GNG2: variants seen among roughly 807,000 people sequenced by gnomAD.
GNG2 encodes guanine nucleotide-binding protein G(I)/G(S)/G(O) subunit gamma-2.
GNG2 carries 5 observed loss-of-function variants against 5.5 expected under a neutral mutation model. That is an observed-to-expected ratio of 0.91 (90% confidence interval 0.48 to 1.92). The LOEUF (loss-of-function observed/expected upper bound fraction) is 1.92, where lower values mean the gene tolerates loss of function less well. Among genes scored for constraint, GNG2 ranks in the 30% most tolerant of loss-of-function variants. The probability of loss-of-function intolerance (pLI) is 0.01; values close to 1 mark genes in which losing one functional copy is unlikely to be tolerated. For synonymous variants in GNG2, 28 were observed against 32.0 expected, an observed-to-expected ratio of 0.88 and a Z score of 0.42; for missense variants, 55 against 88.4, an observed-to-expected ratio of 0.62 and a Z score of 1.52.
intron 2 of GNG2, among the ~76,000 whole-genome samples, chr14:51,849,600 A>G (rs1295382011): frequency 2.0e-5 from 3 of 152,068 alleles, no homozygotes; most frequent in Non-Finnish European, 4.4e-5. Flanking sequence ...GTTCCCCTTC[A>G]CTGCTTTATT....
In GNG2 at chr14:51,932,789, T is replaced by C. The variant is rs571971389; in HGVS notation, c.-29-17861T>C. ...AATAAATCTCTAAAGTATCGGGTCC[T>C]AATCCTTAGAATCCATAAATGTTAA... On this transcript the variant is annotated intron_variant, in intron 2 of 3. Transcript: ENST00000556766. 5.9e-5 allele frequency among the ~76,000 whole-genome samples: 9 copies of C among 152,158 alleles called. No homozygotes were observed. The East Asian group carries it at 1.7e-3, about 29-fold the overall frequency.
chr14:51,890,305 C>G (rs775672991), intron 2 of GNG2, among the ~76,000 whole-genome samples: 1 of 152,170 alleles, frequency 6.6e-6, no homozygotes, highest in Non-Finnish European at 1.5e-5. Flanking sequence ...CCTGAGTACA[C>G]GAGATTTGTG....
At chr14:51,855,264 C>T (rs1160816347) in intron 2 of GNG2, among the ~76,000 whole-genome samples, 1 of 152,196 alleles carries the variant, frequency 6.6e-6, no homozygotes, top group Non-Finnish European at 1.5e-5. Flanking sequence ...CTCTTCATGT[C>T]CCTTGTCCCA....
intron 2 of GNG2, among the ~76,000 whole-genome samples, chr14:51,852,523 T>A (rs1409142341): frequency 6.6e-6 from 1 of 152,222 alleles, no homozygotes; most frequent in Non-Finnish European, 1.5e-5. Flanking sequence ...ATAACCAGGA[T>A]GAAGAAGTGG....
chr14:51,932,734 T>C (rs1248954342), intron 2 of GNG2, among the ~76,000 whole-genome samples: 1 of 152,236 alleles, frequency 6.6e-6, no homozygotes, highest in Non-Finnish European at 1.5e-5. Context: ...TCCATTGTGT[T>C]AAATACTGCT....
At chr14:51,840,615 G>T (rs1322150958) in intron 2 of GNG2, among the ~76,000 whole-genome samples, 1 of 152,168 alleles carries the variant, frequency 6.6e-6, no homozygotes, top group Non-Finnish European at 1.5e-5. Flanking sequence ...CATTCATTCT[G>T]TTGCCTCCAA....
intron 2 of GNG2, among the ~76,000 whole-genome samples, chr14:51,843,937 C>T (rs1199410358): frequency 6.6e-6 from 1 of 152,170 alleles, no homozygotes; most frequent in Non-Finnish European, 1.5e-5. Flanking sequence ...GGCCCCCTTT[C>T]TCCTCCCCAC....
intron 2 of GNG2, among the ~76,000 whole-genome samples, chr14:51,937,441 C>A (rs1205085661): frequency 6.6e-6 from 1 of 152,068 alleles, no homozygotes; most frequent in Non-Finnish European, 1.5e-5. Context: ...TCCTTCCCTG[C>A]ATGATATCAG....
Position 51,922,113 on chromosome 14 carries a change from C to T in GNG2, c.-29-28537C>T, listed in dbSNP as rs77366375. On this transcript the variant is annotated intron_variant, in intron 2 of 3. Coordinates refer to ENST00000556766, the MANE Select transcript of GNG2 (RefSeq NM_053064.5). ...TTCTTCCACTTTCTGTGTGTATATG[C>T]GTGTTTGTGTAATCTTCTGACAGCT... Among the ~76,000 whole-genome samples, 1,163 of 152,206 alleles carry T rather than the reference C, an allele frequency of 7.6e-3. 34 individuals carry two copies. The highest frequency in any genetic ancestry group is 0.064 in the South Asian group (306 of 4,818).
chr14:51,934,349 G>A (rs1049029879), intron 2 of GNG2, among the ~76,000 whole-genome samples: 8 of 152,052 alleles, frequency 5.3e-5, no homozygotes, highest in Admixed American at 5.2e-4. Context: ...TGGGGTCTTC[G>A]AGCTTTTCTG....
At chr14:51,841,779 T>A in intron 2 of GNG2, among the ~76,000 whole-genome samples, 1 of 152,174 alleles carries the variant, frequency 6.6e-6, no homozygotes. Flanking sequence ...GGAAATGCTT[T>A]TCTTTGGGGC....
chr14:51,959,404 G>A lies in GNG2; in HGVS notation c.88-7155G>A, dbSNP rs558702959. ...CAGCAAGTTCGTTTTTCATTTGCTT[G>A]GTCCAAAAACTTAGAGTTATCCTTA... On this transcript the variant is annotated intron_variant, in intron 3 of 3. Coordinates refer to ENST00000556766, the MANE Select transcript of GNG2 (RefSeq NM_053064.5). 2.6e-5 allele frequency among the ~76,000 whole-genome samples: 4 copies of A among 152,204 alleles called. No individual in the cohort carries two copies. The East Asian group carries it at 7.7e-4, about 29-fold the overall frequency.
At chr14:51,962,749 G>A (rs1889688662) in intron 3 of GNG2, among the ~76,000 whole-genome samples, 1 of 152,194 alleles carries the variant, frequency 6.6e-6, no homozygotes, top group Admixed American at 6.5e-5. Flanking sequence ...CATGGAAGAA[G>A]TAGGCATACG....
In GNG2 at chr14:51,964,592, C is replaced by A. The variant is rs368273985; in HGVS notation, c.88-1967C>A. 3.9e-5 allele frequency among the ~76,000 whole-genome samples: 6 copies of A among 152,182 alleles called. No individual in the cohort carries two copies. In the South Asian group the frequency reaches 6.2e-4, roughly 16 times the overall value. ...GCTGGCAGATGGAGCAGCCTCTGTC[C>A]AGAATGTTGCTTCTATCTGTTCTGT... On this transcript the variant is annotated intron_variant, in intron 3 of 3. Coordinates refer to ENST00000556766, the MANE Select transcript of GNG2 (RefSeq NM_053064.5).
At chr14:51,833,036 A>G (rs1409074203) in intron 2 of GNG2, among the ~76,000 whole-genome samples, 1 of 152,128 alleles carries the variant, frequency 6.6e-6, no homozygotes, top group African/African-American at 2.4e-5. Flanking sequence ...AATTTTCTCA[A>G]CCTTACAACT....
In GNG2 at chr14:51,956,063, C is replaced by A. The variant is rs138018251; in HGVS notation, c.87+5298C>A. ...AGCATTTGAGCTGAGAGTATCCCTT[C>A]CCTAAAATGCTTGTGTTCAATTTTA... On this transcript the variant is annotated intron_variant, in intron 3 of 3. Transcript: ENST00000556766. Among the ~76,000 whole-genome samples the A allele has an allele frequency of 7.2e-5, 11 of 152,278 alleles. 1 individual carries two copies. In the East Asian group the frequency reaches 2.1e-3, roughly 29 times the overall value.
intron 2 of GNG2, among the ~76,000 whole-genome samples, chr14:51,949,601 T>C (rs570812376): frequency 6.6e-6 from 1 of 152,304 alleles, no homozygotes; most frequent in South Asian, 2.1e-4. Context: ...AATGTTTCTG[T>C]TTCATGGGTC....
intron 2 of GNG2, among the ~76,000 whole-genome samples, chr14:51,949,832 A>G (rs1269967181): frequency 6.6e-6 from 1 of 152,224 alleles, no homozygotes; most frequent in Non-Finnish European, 1.5e-5. Context: ...TGGTATGTCA[A>G]GAAAGGATAA....
chr14:51,917,387 C>T (rs1886711636), intron 2 of GNG2: 2 of 455,964 alleles, frequency 4.4e-6, no homozygotes, highest in South Asian at 1.5e-5. Flanking sequence ...CAGACAGCAA[C>T]GACATGGCTG....
Sources: allele counts gnomAD v4.1 joint callset (sites outside exome capture counted in the v4.1 genomes callset), GRCh38; gene constraint gnomAD v4.1.1; transcripts MANE v1.5; gene names NCBI Gene and HGNC (gene_info 2026-07-23, HGNC 2026-07-21).